The following CTNNA3 variants were observed in gnomAD, a reference collection of about 807,000 sequenced individuals.
CTNNA3 encodes the protein catenin alpha-3.
A neutral mutation model predicts 95.7 loss-of-function variants in CTNNA3; 76 were observed. The ratio of observed to expected loss-of-function variants is 0.79; its 90% CI spans 0.66 to 0.96. CTNNA3 has a LOEUF of 0.96. Ranked by LOEUF, CTNNA3 falls within the 40% of genes least tolerant of loss-of-function variation. The pLI is 0.00. For missense variants in CTNNA3, 1,191 were observed against 1,089.8 expected (o/e 1.09, Z -1.31); for synonymous variants, 431 against 374.4 (o/e 1.15, Z -1.74).
intron 7 of CTNNA3, among the ~76,000 whole-genome samples, chr10:67,146,294 T>A (rs575286007): frequency 6.6e-6 from 1 of 152,210 alleles, no homozygotes; most frequent in African/African-American, 2.4e-5. Context: ...TGATAACCTA[T>A]AGATACATAG....
intron 11 of CTNNA3, among the ~76,000 whole-genome samples, chr10:66,407,292 A>G (rs1351508503): frequency 2.6e-5 from 4 of 152,122 alleles, no homozygotes; most frequent in East Asian, 3.9e-4. Context: ...CACATCTAAA[A>G]AAACCTATAT....
intron 12 of CTNNA3, among the ~76,000 whole-genome samples, chr10:66,341,501 C>A (rs2092452465): frequency 6.6e-6 from 1 of 151,988 alleles, no homozygotes; most frequent in African/African-American, 2.4e-5. Flanking sequence ...TAATTGGATA[C>A]ACATATGCCT....
chr10:67,208,748 A>C (rs1321252141), intron 6 of CTNNA3, among the ~76,000 whole-genome samples: 1 of 152,152 alleles, frequency 6.6e-6, no homozygotes, highest in East Asian at 1.9e-4. Flanking sequence ...GAAAAGAGAC[A>C]TTAACTTTTT....
chr10:67,225,199 C>G (rs568993502), intron 5 of CTNNA3, among the ~76,000 whole-genome samples: 34 of 152,272 alleles, frequency 2.2e-4, no homozygotes, highest in African/African-American at 7.9e-4. Flanking sequence ...ACTCCCACCC[C>G]CTACAGCAGC....
At chr10:67,230,231 C>T (rs1170551088) in intron 5 of CTNNA3, among the ~76,000 whole-genome samples, 2 of 152,144 alleles carry the variant, frequency 1.3e-5, no homozygotes, top group African/African-American at 4.8e-5. Context: ...AAAGGACACC[C>T]TTTTCAACAA....
intron 5 of CTNNA3, among the ~76,000 whole-genome samples, chr10:67,356,029 T>G (rs893513121): frequency 2.0e-5 from 3 of 151,988 alleles, no homozygotes; most frequent in African/African-American, 7.2e-5. Flanking sequence ...ATCAACCTCT[T>G]TATCACCACA....
At chr10:66,532,356 G>A (rs1463149199) in intron 10 of CTNNA3, among the ~76,000 whole-genome samples, 1 of 152,076 alleles carries the variant, frequency 6.6e-6, no homozygotes, top group Admixed American at 6.5e-5. Flanking sequence ...CAGCTACTGG[G>A]GAGGCTGAGG....
chr10:67,348,311 G>A (rs943341079), intron 5 of CTNNA3, among the ~76,000 whole-genome samples: 1 of 152,148 alleles, frequency 6.6e-6, no homozygotes, highest in African/African-American at 2.4e-5. Flanking sequence ...CCACATCAAA[G>A]GAGAAAGCTT....
intron 5 of CTNNA3, among the ~76,000 whole-genome samples, chr10:67,325,301 T>G (rs1798700240): frequency 6.6e-6 from 1 of 152,194 alleles, no homozygotes; most frequent in African/African-American, 2.4e-5. Context: ...CTCCTGGTTC[T>G]CTAGTTCTTT....
chr10:66,740,540 A>G (rs1272133076), intron 9 of CTNNA3, among the ~76,000 whole-genome samples: 1 of 152,232 alleles, frequency 6.6e-6, no homozygotes, highest in Non-Finnish European at 1.5e-5. Flanking sequence ...TAGATTTTCC[A>G]GCACATGGCA....
chr10:65,950,500 T>G (rs1367866038), intron 17 of CTNNA3, among the ~76,000 whole-genome samples: 1 of 152,180 alleles, frequency 6.6e-6, no homozygotes, highest in Non-Finnish European at 1.5e-5. Flanking sequence ...GTTTTTTTCC[T>G]TCAGCTGCAC....
At chr10:66,089,866 C>G (rs183414783) in intron 14 of CTNNA3, among the ~76,000 whole-genome samples, 294 of 151,810 alleles carry the variant, frequency 1.9e-3, no homozygotes, top group Non-Finnish European at 3.3e-3. Context: ...GTGCTTCTTA[C>G]AAAAACAATA....
At chr10:66,176,564 C>T (rs2085725061) in intron 13 of CTNNA3, among the ~76,000 whole-genome samples, 1 of 151,908 alleles carries the variant, frequency 6.6e-6, no homozygotes, top group Admixed American at 6.6e-5. Context: ...TTTGTGTCCC[C>T]CTAAAATTCA....
intron 13 of CTNNA3, among the ~76,000 whole-genome samples, chr10:66,129,495 C>T (rs540179268): frequency 6.6e-6 from 1 of 152,276 alleles, no homozygotes; most frequent in African/African-American, 2.4e-5. Flanking sequence ...GGACACCCAT[C>T]ACCTTAAGCT....
chr10:66,579,735 A>C (rs190448481), intron 10 of CTNNA3, among the ~76,000 whole-genome samples: 66 of 151,670 alleles, frequency 4.4e-4, no homozygotes, highest in African/African-American at 1.5e-3. Context: ...ATTTCTGAAG[A>C]GTATTTATTA....
intron 7 of CTNNA3, among the ~76,000 whole-genome samples, chr10:67,000,887 C>A (rs1435397013): frequency 6.6e-6 from 1 of 152,026 alleles, no homozygotes; most frequent in Non-Finnish European, 1.5e-5. Context: ...TACTCATGAA[C>A]AACAGGCTGG....
At chr10:67,303,767 C>T (rs1484734514) in intron 5 of CTNNA3, among the ~76,000 whole-genome samples, 1 of 152,048 alleles carries the variant, frequency 6.6e-6, no homozygotes, top group Non-Finnish European at 1.5e-5. Context: ...TAATCACCTC[C>T]TTTCCCCTAT....
intron 7 of CTNNA3, among the ~76,000 whole-genome samples, chr10:67,007,283 A>C (rs977206970): frequency 6.6e-6 from 1 of 152,164 alleles, no homozygotes. Context: ...AGGAATTAAC[A>C]AATTGGCTCT....
At chr10:66,970,446 G>A (rs1178538716) in intron 7 of CTNNA3, among the ~76,000 whole-genome samples, 1 of 147,368 alleles carries the variant, frequency 6.8e-6, no homozygotes, top group African/African-American at 2.5e-5. Flanking sequence ...TTACATTTGA[G>A]TTCAGTGAGG....
Sources: allele counts gnomAD v4.1 joint callset (sites outside exome capture counted in the v4.1 genomes callset), GRCh38; gene constraint gnomAD v4.1.1; transcripts MANE v1.5; gene names NCBI Gene and HGNC (gene_info 2026-07-23, HGNC 2026-07-21).